The following OTUD7A variants were observed in gnomAD, a reference collection of about 807,000 sequenced individuals.
OTUD7A encodes the protein OTU deubiquitinase 7A.
Under a neutral mutation model 65.7 loss-of-function variants are expected in OTUD7A, and 12 were observed. The ratio of observed to expected loss-of-function variants is 0.18; its 90% CI spans 0.12 to 0.30. OTUD7A has a LOEUF of 0.30. Among genes scored for constraint, OTUD7A ranks in the 10% least tolerant of loss-of-function variants. The pLI is 1.00. For synonymous variants in OTUD7A, 641 were observed against 586.3 expected (o/e 1.09, Z -1.35); for missense variants, 1,148 against 1,304.8 (o/e 0.88, Z 1.85).
At chr15:31,579,836 G>A (rs1889319666) in intron 3 of OTUD7A, among the ~76,000 whole-genome samples, 1 of 152,190 alleles carries the variant, frequency 6.6e-6, no homozygotes, top group Non-Finnish European at 1.5e-5. Context: ...TATATTATGT[G>A]TGCGAGTGCA....
intron 1 of OTUD7A, among the ~76,000 whole-genome samples, chr15:31,822,647 C>G (rs570317472): frequency 6.6e-6 from 1 of 152,286 alleles, no homozygotes; most frequent in African/African-American, 2.4e-5. Flanking sequence ...AGAAAACTTT[C>G]TTTAAATAGC....
At chr15:31,835,451 T>C (rs67098790) in intron 1 of OTUD7A, among the ~76,000 whole-genome samples, 15,382 of 152,144 alleles carry the variant, frequency 0.1, 1,260 homozygotes, top group East Asian at 0.47. Context: ...CTGGGCACCA[T>C]AGAGAATGGT....
Position 31,783,691 on chromosome 15 carries a change from C to T in OTUD7A, c.-100+86816G>A, listed in dbSNP as rs549512034. On this transcript the variant is annotated intron_variant, in intron 1 of 12. Coordinates refer to ENST00000307050, the MANE Select transcript of OTUD7A (RefSeq NM_001382637.1). ...GCGATGGAGGTCCTGAGGCAGAGCACCTGTATGACTGCCTGAGTTGCACCC... is the reference window on the plus strand; with the variant it reads ...GCGATGGAGGTCCTGAGGCAGAGCATCTGTATGACTGCCTGAGTTGCACCC... Among the ~76,000 whole-genome samples, 6 of 152,310 alleles carry T rather than the reference C, an allele frequency of 3.9e-5. No homozygotes were observed. In the South Asian group the frequency reaches 1.2e-3, roughly 32 times the overall value.
intron 1 of OTUD7A, among the ~76,000 whole-genome samples, chr15:31,869,379 G>T (rs574981306): frequency 6.6e-6 from 1 of 152,310 alleles, no homozygotes; most frequent in South Asian, 2.1e-4. Context: ...GGATGGTGAA[G>T]GACACCTGCA....
At position 31,728,562 on chromosome 15, in the gene OTUD7A, C is replaced by T. The variant is rs573603783; in HGVS notation, c.-99-71485G>A. Among the ~76,000 whole-genome samples the T allele has an allele frequency of 3.4e-4, 51 of 152,122 alleles. No individual in the cohort carries two copies. In the South Asian group the frequency reaches 3.5e-3, roughly 11 times the overall value. Reference sequence around the variant, plus strand: ...CTCTACGCATGACCTTTCTTTATTCCTCATCCTCCTGCTTTGTGAGCTTTC... The same window carrying T: ...CTCTACGCATGACCTTTCTTTATTCTTCATCCTCCTGCTTTGTGAGCTTTC... On this transcript the variant is annotated intron_variant, in intron 1 of 12. Coordinates refer to ENST00000307050, the MANE Select transcript of OTUD7A (RefSeq NM_001382637.1).
At chr15:31,659,797 A>C (rs1892106681) in intron 1 of OTUD7A, among the ~76,000 whole-genome samples, 1 of 152,232 alleles carries the variant, frequency 6.6e-6, no homozygotes, top group Non-Finnish European at 1.5e-5. Flanking sequence ...GCTCGCTCTC[A>C]TCAGGTCTGT....
intron 3 of OTUD7A, among the ~76,000 whole-genome samples, chr15:31,602,390 G>A (rs1188189383): frequency 3.3e-5 from 5 of 152,200 alleles, no homozygotes; most frequent in South Asian, 2.1e-4. Context: ...AAAGGCCTTC[G>A]ACAAAATTCA....
chr15:31,786,117 T>G (rs1277936021), intron 1 of OTUD7A, among the ~76,000 whole-genome samples: 2 of 152,068 alleles, frequency 1.3e-5, no homozygotes, highest in African/African-American at 2.4e-5. Flanking sequence ...GTGCGCCACC[T>G]GGGGACTCTG....
intron 3 of OTUD7A, among the ~76,000 whole-genome samples, chr15:31,618,854 C>T (rs1487306834): frequency 1.3e-5 from 2 of 152,160 alleles, no homozygotes; most frequent in Admixed American, 6.5e-5. Context: ...TTGCCCATGC[C>T]TATGTCCTGA....
chr15:31,836,111 CCT>C (rs1472344862), intron 1 of OTUD7A, among the ~76,000 whole-genome samples: 1 of 142,828 alleles, frequency 7.0e-6, no homozygotes, highest in Non-Finnish European at 1.6e-5. Context: ...AAGCATATCC[CCT>C]GTGATAACAC....
chr15:31,522,258 A>C (rs1341605070), intron 8 of OTUD7A, among the ~76,000 whole-genome samples: 5 of 152,222 alleles, frequency 3.3e-5, no homozygotes, highest in African/African-American at 1.2e-4. Flanking sequence ...CATCTGATCT[A>C]TTCATGATGG....
intron 1 of OTUD7A, among the ~76,000 whole-genome samples, chr15:31,820,626 C>T (rs564933628): frequency 6.6e-6 from 1 of 152,266 alleles, no homozygotes; most frequent in South Asian, 2.1e-4. Context: ...AGAAAACTGG[C>T]CCCACCATTT....
intron 3 of OTUD7A, among the ~76,000 whole-genome samples, chr15:31,580,312 T>C (rs2141183540): frequency 6.6e-6 from 1 of 152,264 alleles, no homozygotes; most frequent in African/African-American, 2.4e-5. Context: ...CTGCAGGAAT[T>C]GTACAGTGGG....
At chr15:31,510,068 C>T (rs1190477902) in intron 8 of OTUD7A, among the ~76,000 whole-genome samples, 1 of 150,172 alleles carries the variant, frequency 6.7e-6, no homozygotes, top group African/African-American at 2.4e-5. Flanking sequence ...TATGCGCTGC[C>T]GTCTGTTTCC....
rs1208628951 is a variant in OTUD7A at position 31,487,482 on chromosome 15, T to G, written c.1256A>C (p.Lys419Thr). The G allele has an allele frequency of 1.2e-6, 2 of 1,614,042 alleles. No individual in the cohort carries two copies. Among genetic ancestry groups the G allele is most frequent in the South Asian group, 2.2e-5 (2 of 91,072 alleles). The change falls in exon 11 of 13, where the codon AAA becomes ACA. Residue 419 changes from lysine to threonine, a missense_variant. Coordinates refer to ENST00000307050, the MANE Select transcript of OTUD7A (RefSeq NM_001382637.1). This position sits in a 1 kb window ranked among gnomAD's most constrained non-coding sequence, Gnocchi z 6.0. ...CAGCCGGGCGTTATCGTTGTCGTCT[T>G]TCCCCCACTCCCAGTCCTTGCCAGG... ...VDPGKDWEWG[K>T]DDNDNARLAH...
chr15:31,599,340 C>G (rs367810421), intron 3 of OTUD7A, among the ~76,000 whole-genome samples: 8 of 152,198 alleles, frequency 5.3e-5, no homozygotes, highest in Non-Finnish European at 1.0e-4. Flanking sequence ...ATTCTGCAGC[C>G]TCTGCTGGTA....
intron 1 of OTUD7A, among the ~76,000 whole-genome samples, chr15:31,803,104 A>T (rs937162069): frequency 2.6e-5 from 4 of 152,216 alleles, no homozygotes. Context: ...AAAATAACAC[A>T]GTTGAAAACC....
intron 5 of OTUD7A, among the ~76,000 whole-genome samples, chr15:31,536,135 C>G (rs1887794965): frequency 6.6e-6 from 1 of 152,158 alleles, no homozygotes; most frequent in African/African-American, 2.4e-5. Context: ...AGAAGCGAGG[C>G]AAAGGTAATC....
intron 1 of OTUD7A, among the ~76,000 whole-genome samples, chr15:31,849,314 AT>A (rs1897363969): frequency 6.6e-6 from 1 of 152,240 alleles, no homozygotes; most frequent in African/African-American, 2.4e-5. Flanking sequence ...AGGATTCTCT[AT>A]TTAATAAATG....
Sources: gnomAD v4.1 joint callset for allele counts (sites outside exome capture counted in the v4.1 genomes callset) on GRCh38, gnomAD v4.1.1 for gene constraint, Gnocchi (gnomAD v3.1) non-coding constraint, MANE v1.5 for transcripts, NCBI Gene and HGNC (gene_info 2026-07-23, HGNC 2026-07-21) for gene names.